STAG1: variants seen among roughly 807,000 people sequenced by gnomAD.
STAG1 encodes the protein STAG1 cohesin complex component.
In STAG1, 26 loss-of-function variants were observed where a neutral mutation model predicts 170.9. The observed-to-expected ratio is 0.15, with a 90% CI of 0.11 to 0.21. The LOEUF (loss-of-function observed/expected upper bound fraction) is 0.21. STAG1 is among the 10% of genes least tolerant of loss of function. The pLI is 1.00. For missense variants in STAG1, 964 were observed against 1,509.5 expected (o/e 0.64, Z 5.99); for synonymous variants, 514 against 497.7 (o/e 1.03, Z -0.44).
At chr3:136,739,517 AAAG>A (rs1229175096) in intron 1 of STAG1, among the ~76,000 whole-genome samples, 4 of 149,002 alleles carry the variant, frequency 2.7e-5, no homozygotes, top group African/African-American at 5.0e-5. Context: ...AAAAAAAAAA[AAAG>A]AAAAAAAAAA....
intron 20 of STAG1, among the ~76,000 whole-genome samples, chr3:136,419,626 T>G (rs866342717): frequency 0.2 from 27,941 of 142,922 alleles, 2,926 homozygotes; most frequent in Non-Finnish European, 0.24. Context: ...TGTGTGTGTT[T>G]TTTTTTTTTT....
chr3:136,525,070 T>C (rs1175206956), intron 6 of STAG1, among the ~76,000 whole-genome samples: 2 of 152,188 alleles, frequency 1.3e-5, no homozygotes, highest in Non-Finnish European at 2.9e-5. Context: ...TTTTGTTATG[T>C]CTCTGCCAGG....
intron 22 of STAG1, among the ~76,000 whole-genome samples, chr3:136,397,488 A>G (rs1317211023): frequency 6.6e-6 from 1 of 152,062 alleles, no homozygotes; most frequent in Non-Finnish European, 1.5e-5. Flanking sequence ...GTATGAATTC[A>G]GGTGAAAACC....
intron 7 of STAG1, among the ~76,000 whole-genome samples, chr3:136,520,125 C>T (rs1559854823): frequency 6.6e-6 from 1 of 152,084 alleles, no homozygotes; most frequent in Non-Finnish European, 1.5e-5. Context: ...ATCTTATTGG[C>T]TTTGGGCAAC....
At position 136,517,458 on chromosome 3, in the gene STAG1, A is replaced by T. The variant is rs925698271; in HGVS notation, c.676+3755T>A. Among the ~76,000 whole-genome samples, 75 of 152,162 alleles carry T rather than the reference A, an allele frequency of 4.9e-4. 2 individuals carry two copies. Among genetic ancestry groups the T allele is most frequent in the Non-Finnish European group, 1.5e-4 (10 of 67,998 alleles). ...AGCCTGAATGTTGCCCTCTAACAAA[A>T]ATTTGAAGTCAACAAGTTGTAAAGT... On this transcript the variant is annotated intron_variant, in intron 7 of 33. Coordinates refer to ENST00000383202, the MANE Select transcript of STAG1 (RefSeq NM_005862.3).
chr3:136,737,152 T>C (rs1934388014), intron 1 of STAG1: 6 of 781,544 alleles, frequency 7.7e-6, no homozygotes, highest in Admixed American at 3.4e-5. Flanking sequence ...CTCTTCTCTA[T>C]TTGTTTCACC....
chr3:136,540,378 T>A (rs1347180184), intron 6 of STAG1, among the ~76,000 whole-genome samples: 1 of 152,086 alleles, frequency 6.6e-6, no homozygotes, highest in Admixed American at 6.6e-5. Context: ...ATGAAGCTGA[T>A]CATCTCAAAT....
chr3:136,395,545 C>T (rs1196930618), intron 22 of STAG1, among the ~76,000 whole-genome samples: 2 of 151,988 alleles, frequency 1.3e-5, no homozygotes, highest in African/African-American at 2.4e-5. Flanking sequence ...CACTTGAACC[C>T]GGGAGGTAGA....
At chr3:136,724,140 G>C (rs1462798965) in intron 1 of STAG1, among the ~76,000 whole-genome samples, 1 of 150,004 alleles carries the variant, frequency 6.7e-6, no homozygotes, top group East Asian at 2.0e-4. Flanking sequence ...TGATGACAAT[G>C]GCGGTTTTGT....
intron 6 of STAG1, among the ~76,000 whole-genome samples, chr3:136,541,575 CA>C (rs1935908509): frequency 6.6e-6 from 1 of 151,312 alleles, no homozygotes; most frequent in Admixed American, 6.6e-5. Context: ...CACACACACA[CA>C]CACACACACC....
intron 1 of STAG1, chr3:136,736,701 T>C (rs113681152): frequency 3.3e-5 from 53 of 1,603,270 alleles, no homozygotes; most frequent in African/African-American, 3.1e-4. Context: ...CCTTTCAGCA[T>C]CTCTTTGGCT....
intron 7 of STAG1, among the ~76,000 whole-genome samples, chr3:136,508,805 C>T (rs981055756): frequency 2.0e-5 from 3 of 152,230 alleles, no homozygotes; most frequent in Admixed American, 6.5e-5. Context: ...TACAAATTTC[C>T]GATTTGCAAG....
At chr3:136,423,865 T>A (rs890990417) in intron 16 of STAG1, among the ~76,000 whole-genome samples, 12 of 151,766 alleles carry the variant, frequency 7.9e-5, no homozygotes, top group South Asian at 2.1e-4. Context: ...TTTTTTTTTT[T>A]ATTTTTTTTT....
At chr3:136,679,103 A>G (rs551613433) in intron 1 of STAG1, among the ~76,000 whole-genome samples, 1 of 152,274 alleles carries the variant, frequency 6.6e-6, no homozygotes, top group East Asian at 1.9e-4. Context: ...TGTTACACCT[A>G]TTGGGCTGGC....
At chr3:136,469,011 C>A (rs1464953661) in intron 12 of STAG1, among the ~76,000 whole-genome samples, 1 of 152,128 alleles carries the variant, frequency 6.6e-6, no homozygotes, top group Non-Finnish European at 1.5e-5. Context: ...CTATTTATGA[C>A]AAACCCACAC....
chr3:136,379,432 G>C (rs1215229115), intron 22 of STAG1, among the ~76,000 whole-genome samples: 2 of 152,200 alleles, frequency 1.3e-5, no homozygotes, highest in Non-Finnish European at 2.9e-5. Flanking sequence ...GAGGTGGCTG[G>C]GTGCGGTGGC....
chr3:136,701,353 G>C (rs559253352), intron 1 of STAG1, among the ~76,000 whole-genome samples: 1 of 151,414 alleles, frequency 6.6e-6, no homozygotes, highest in Non-Finnish European at 1.5e-5. Context: ...TTTGCTTCTT[G>C]ATTAAAACTT....
rs141412174 is a variant in STAG1 at position 136,365,058 on chromosome 3, T to C, written c.2686-1591A>G. ...CATAGCCATATATCAGAAGAGCAAA[T>C]AGCTATTATAATACTCACAAAAAGG... is the stretch of plus-strand genomic sequence containing the variant. On this transcript the variant is annotated intron_variant, in intron 25 of 33. Coordinates refer to ENST00000383202, the MANE Select transcript of STAG1 (RefSeq NM_005862.3). Among the ~76,000 whole-genome samples, 1,143 of 152,158 alleles carry C rather than the reference T, an allele frequency of 7.5e-3. 17 individuals are homozygous for C. Among genetic ancestry groups the C allele is most frequent in the African/African-American group, 0.026 (1,090 of 41,502 alleles).
intron 9 of STAG1, among the ~76,000 whole-genome samples, chr3:136,497,961 G>T (rs1208016073): frequency 6.6e-6 from 1 of 150,928 alleles, no homozygotes; most frequent in African/African-American, 2.4e-5. Context: ...GGGAGGCCAA[G>T]GCAGGCAGAT....
Sources: gnomAD v4.1 joint callset for allele counts (sites outside exome capture counted in the v4.1 genomes callset) on GRCh38, gnomAD v4.1.1 for gene constraint, MANE v1.5 for transcripts, NCBI Gene and HGNC (gene_info 2026-07-23, HGNC 2026-07-21) for gene names.